Variants in LRCH1 observed in about 807,000 individuals in gnomAD.
LRCH1 encodes leucine rich repeats and calponin homology domain containing 1, also known as leucine-rich repeat and calponin homology domain-containing protein 1.
LRCH1 carries 23 observed loss-of-function variants against 94.9 expected under a neutral mutation model. The observed-to-expected ratio is 0.24, with a 90% CI of 0.17 to 0.34. LRCH1 has a LOEUF of 0.34. Ranked by LOEUF, LRCH1 falls within the 10% of genes least tolerant of loss-of-function variation. The pLI is 1.00. For missense variants in LRCH1, 790 were observed against 945.9 expected (o/e 0.84, Z 2.16); for synonymous variants, 364 against 354.9 (o/e 1.03, Z -0.29).
intron 1 of LRCH1, among the ~76,000 whole-genome samples, chr13:46,589,595 T>A (rs931699196): frequency 7.4e-6 from 1 of 135,012 alleles, no homozygotes; most frequent in African/African-American, 2.7e-5. Context: ...TTCTCTCACT[T>A]TTTTTTTTTT....
At chr13:46,655,297 GA>G (rs1310472130) in intron 2 of LRCH1, among the ~76,000 whole-genome samples, 1 of 152,214 alleles carries the variant, frequency 6.6e-6, no homozygotes. Context: ...ATTAGCACAT[GA>G]AAAAAATCCT....
chr13:46,611,191 C>T (rs542490431), intron 1 of LRCH1, among the ~76,000 whole-genome samples: 10 of 152,274 alleles, frequency 6.6e-5, no homozygotes, highest in African/African-American at 2.4e-4. Context: ...TGAGTTGGAT[C>T]CTCATGCAGA....
chr13:46,633,450 G>C (rs1475236188), intron 1 of LRCH1, among the ~76,000 whole-genome samples: 1 of 152,186 alleles, frequency 6.6e-6, no homozygotes, highest in Non-Finnish European at 1.5e-5. Context: ...CATCATTATT[G>C]AATTGTGTAA....
intron 13 of LRCH1, among the ~76,000 whole-genome samples, chr13:46,709,943 A>G (rs1871971400): frequency 6.6e-6 from 1 of 152,224 alleles, no homozygotes; most frequent in Admixed American, 6.5e-5. Flanking sequence ...GAGCTAAAAT[A>G]TGATCCTTAC....
intron 1 of LRCH1, among the ~76,000 whole-genome samples, chr13:46,576,337 A>C (rs1394992678): frequency 1.3e-5 from 2 of 152,304 alleles, no homozygotes; most frequent in East Asian, 3.9e-4. Context: ...TAGACTTAAG[A>C]TTGTTGGGAA....
chr13:46,575,520 G>A (rs1566152076), intron 1 of LRCH1, among the ~76,000 whole-genome samples: 1 of 142,600 alleles, frequency 7.0e-6, no homozygotes, highest in South Asian at 2.1e-4. Context: ...ATGTGTGTGT[G>A]TGTGTGTGTG....
intron 16 of LRCH1, among the ~76,000 whole-genome samples, chr13:46,716,589 T>C (rs538857316): frequency 6.6e-6 from 1 of 152,352 alleles, no homozygotes; most frequent in African/African-American, 2.4e-5. Flanking sequence ...TATTTATCTT[T>C]TCATCTAAGT....
At chr13:46,633,886 T>C (rs976636412) in intron 1 of LRCH1, among the ~76,000 whole-genome samples, 4 of 150,562 alleles carry the variant, frequency 2.7e-5, no homozygotes, top group African/African-American at 9.8e-5. Context: ...TGCATTTTTT[T>C]TTTTTTTTTT....
At chr13:46,712,761 G>A (rs1328556513) in intron 15 of LRCH1, among the ~76,000 whole-genome samples, 164 bp downstream of exon 15, 2 of 152,220 alleles carry the variant, frequency 1.3e-5, no homozygotes, top group Non-Finnish European at 2.9e-5. Flanking sequence ...TTTGTTTTCA[G>A]TGAATCAGCT....
At chr13:46,572,090 A>G (rs914435624) in intron 1 of LRCH1, among the ~76,000 whole-genome samples, 1 of 152,190 alleles carries the variant, frequency 6.6e-6, no homozygotes, top group Non-Finnish European at 1.5e-5. Context: ...TGTCGGATAC[A>G]GCTGTCTTTC....
At chr13:46,556,872 A>C (rs2050072065) in intron 1 of LRCH1, among the ~76,000 whole-genome samples, 1 of 152,174 alleles carries the variant, frequency 6.6e-6, no homozygotes, top group Admixed American at 6.5e-5. Context: ...CTGGCCACTG[A>C]TCTAGGCACT....
At chr13:46,653,564 C>T (rs551274773) in intron 2 of LRCH1, among the ~76,000 whole-genome samples, 16 of 152,250 alleles carry the variant, frequency 1.1e-4, no homozygotes, top group South Asian at 2.1e-4. Context: ...GTGGCTCACG[C>T]CTGTAATCCC....
rs188881001 is a variant in LRCH1, at chr13:46,609,015, C to T, written c.308-41186C>T. ...ATTGACCTCCCGAGCTGTATGGCAC[C>T]CTTGAGTGAACCAGGTACAAGCAGC... On this transcript the variant is annotated intron_variant, in intron 1 of 19. Transcript: ENST00000389797. 5.3e-5 allele frequency among the ~76,000 whole-genome samples: 8 copies of T among 152,198 alleles called. No homozygotes were observed. The East Asian group carries it at 1.5e-3, about 29-fold the overall frequency.
chr13:46,616,301 T>A (rs1189033490), intron 1 of LRCH1, among the ~76,000 whole-genome samples: 1 of 152,138 alleles, frequency 6.6e-6, no homozygotes, highest in East Asian at 1.9e-4. Flanking sequence ...CAGAGCCCTG[T>A]AAACTAGACT....
intron 1 of LRCH1, among the ~76,000 whole-genome samples, chr13:46,637,155 C>T (rs1836155506): frequency 6.6e-6 from 1 of 152,188 alleles, no homozygotes; most frequent in Non-Finnish European, 1.5e-5. Context: ...CTCTTTTTCT[C>T]TCAAACCCCC....
chr13:46,618,243 C>G (rs1334142280), intron 1 of LRCH1, among the ~76,000 whole-genome samples: 2 of 152,182 alleles, frequency 1.3e-5, no homozygotes, highest in Admixed American at 1.3e-4. Flanking sequence ...CCTAACCTGA[C>G]AGCACCCATT....
chr13:46,655,811 A>G (rs2051362904), intron 2 of LRCH1, among the ~76,000 whole-genome samples: 1 of 152,222 alleles, frequency 6.6e-6, no homozygotes, highest in East Asian at 1.9e-4. Flanking sequence ...CTGCCAAGAA[A>G]TGAAAGTTCT....
At chr13:46,724,293 T>G (rs1036071417) in intron 17 of LRCH1, among the ~76,000 whole-genome samples, 1 of 152,212 alleles carries the variant, frequency 6.6e-6, no homozygotes, top group Non-Finnish European at 1.5e-5. Flanking sequence ...ACTGCAGCCT[T>G]GAACTTTTGG....
At chr13:46,588,372 C>T (rs528280986) in intron 1 of LRCH1, among the ~76,000 whole-genome samples, 1 of 152,162 alleles carries the variant, frequency 6.6e-6, no homozygotes, top group South Asian at 2.1e-4. Flanking sequence ...GTAAATAAGG[C>T]GTAACTTTGC....
Sources: allele counts gnomAD v4.1 joint callset (sites outside exome capture counted in the v4.1 genomes callset), GRCh38; gene constraint gnomAD v4.1.1; transcripts MANE v1.5; gene names NCBI Gene and HGNC (gene_info 2026-07-23, HGNC 2026-07-21).